Variants in COG3 observed in about 807,000 individuals in gnomAD.
COG3 encodes component of oligomeric golgi complex 3.
In COG3, 32 loss-of-function variants were observed where a neutral mutation model predicts 114.1. The observed-to-expected ratio is 0.28, with a 90% confidence interval of 0.21 to 0.38. The LOEUF (loss-of-function observed/expected upper bound fraction) is 0.38, where lower values mean the gene tolerates loss of function less well. Among genes scored for constraint, COG3 ranks in the 10% least tolerant of loss-of-function variants. The pLI is 1.00. For synonymous variants in COG3, 352 were observed against 365.7 expected, an observed-to-expected ratio of 0.96 and a Z score of 0.43; for missense variants, 813 against 973.2, an observed-to-expected ratio of 0.84 and a Z score of 2.19.
In COG3 at chr13:45,535,207, T is replaced by C. The variant is rs984264700; in HGVS notation, c.*476T>C. On this transcript the variant is annotated 3_prime_UTR_variant, in exon 23 of 23. Transcript: ENST00000349995. Reference sequence around the variant, plus strand: ...ATTTCTATGCTCTTATTTAATGTAATGTTTCTCCTGTCATTTTTGAAGTTG... The same window carrying C: ...ATTTCTATGCTCTTATTTAATGTAACGTTTCTCCTGTCATTTTTGAAGTTG... 1.0e-6 allele frequency: 1 copy of C among 986,012 alleles called. No homozygotes were observed. The highest frequency in any genetic ancestry group is 1.2e-6 in the Non-Finnish European group (1 of 830,302). The allele number at this position is 986,012 out of a possible 1,614,324, so 61.1% of individuals were successfully genotyped here. A position where few individuals can be genotyped will look rare whatever the true frequency, so the allele number is the denominator to read the frequency against.
chr13:45,505,150 G>A (rs1478742130), intron 14 of COG3, among the ~76,000 whole-genome samples: 1 of 150,786 alleles, frequency 6.6e-6, no homozygotes, highest in African/African-American at 2.4e-5. Context: ...TTGTGCCACT[G>A]TACTCCAGCC....
At chr13:45,517,898 G>A (rs1871711772) in intron 17 of COG3, among the ~76,000 whole-genome samples, 1 of 152,174 alleles carries the variant, frequency 6.6e-6, no homozygotes, top group Admixed American at 6.6e-5. Flanking sequence ...TTGGTTGAAA[G>A]TGTGTTTTCC....
intron 12 of COG3, among the ~76,000 whole-genome samples, chr13:45,495,918 C>T (rs1868712180): frequency 6.6e-6 from 1 of 151,926 alleles, no homozygotes; most frequent in Non-Finnish European, 1.5e-5. Flanking sequence ...TTTTATTATT[C>T]ATATTAATAA....
At chr13:45,513,624 T>C (rs1871212989) in intron 16 of COG3, among the ~76,000 whole-genome samples, 1 of 148,972 alleles carries the variant, frequency 6.7e-6, no homozygotes. Flanking sequence ...ATCTTGTTGC[T>C]AGGAAAGCTT....
chr13:45,465,322 C>T, intron 1 of COG3, 112 bp downstream of exon 1: 3 of 1,433,144 alleles, frequency 2.1e-6, no homozygotes, highest in South Asian at 1.5e-5. Flanking sequence ...CTCCACTCCT[C>T]CCTGGCCATG....
At chr13:45,470,709 G>A (rs1009943108) in intron 1 of COG3, among the ~76,000 whole-genome samples, 2 of 152,152 alleles carry the variant, frequency 1.3e-5, no homozygotes, top group African/African-American at 4.8e-5. Context: ...ACTTATAATC[G>A]TTTTTCTCAA....
At chr13:45,508,068 T>TAAAAAAAAAAAAAAAAAAAAAAAAA (rs10571583) in intron 14 of COG3, among the ~76,000 whole-genome samples, 1 of 32,258 alleles carries the variant, frequency 3.1e-5, no homozygotes, top group African/African-American at 1.3e-4. Context: ...AGGTCCAACC[T>TAAAAAAAAAAAAAAAAAAAAAAAAA]AAAAAAAAAA....
At chr13:45,522,651 G>C (rs1007546666) in intron 19 of COG3, among the ~76,000 whole-genome samples, 1 of 152,164 alleles carries the variant, frequency 6.6e-6, no homozygotes, top group African/African-American at 2.4e-5. Context: ...TACTAGAAGA[G>C]TGTATATGCT....
chr13:45,530,762 C>G lies in COG3; in HGVS notation c.2439C>G (p.Ala813=). The change falls in exon 22 of 23, where the codon GCC becomes GCG. Residue 813 remains alanine, a synonymous_variant. Transcript: ENST00000349995. ...GCCCTGAAGACATCCAGATCATTGC[C>G]TGTCCATCTATGGAACAGGTAATGG... ...EFSPEDIQII[A]CPSMEQLSLL... 1 of 1,612,816 alleles carries G rather than the reference C, an allele frequency of 6.2e-7. No individual in the cohort carries two copies. Among genetic ancestry groups the G allele is most frequent in the African/African-American group, 1.3e-5 (1 of 75,022 alleles).
In COG3 at chr13:45,525,024, C is replaced by G; in HGVS notation, c.2203C>G (p.Leu735Val). 1.9e-6 allele frequency: 3 copies of G among 1,613,838 alleles called. No individual in the cohort carries two copies. The highest frequency in any genetic ancestry group is 2.5e-6 in the Non-Finnish European group (3 of 1,179,818). Residue 735 changes from leucine to valine, a missense_variant, in exon 20 of 23, where the codon CTC (leucine) becomes GTC (valine). Physicochemically the swap from Leu to Val is conservative, Grantham distance 32. Transcript: ENST00000349995. ...MASQGGPKYTLSQQPWAQPAK... is the reference protein window; with the variant it reads ...MASQGGPKYTVSQQPWAQPAK... The stretch of plus-strand genomic sequence containing the variant: ...CAGTCAGGGAGGCCCCAAGTATACT[C>G]TCTCACAGCAGCCTTGGGCACAACC...
At chr13:45,515,076 A>C (rs1430549727) in intron 16 of COG3, among the ~76,000 whole-genome samples, 1 of 152,226 alleles carries the variant, frequency 6.6e-6, no homozygotes, top group East Asian at 1.9e-4. Context: ...ACATGATACT[A>C]TTTGCTGGAT....
chr13:45,509,318 G>C (rs1035629309), intron 14 of COG3, among the ~76,000 whole-genome samples: 2 of 152,200 alleles, frequency 1.3e-5, no homozygotes, highest in African/African-American at 4.8e-5. Flanking sequence ...GGTTACAGGC[G>C]TGAGCCACTG....
At chr13:45,505,768 T>C (rs529498744) in intron 14 of COG3, among the ~76,000 whole-genome samples, 4 of 152,296 alleles carry the variant, frequency 2.6e-5, no homozygotes, top group Admixed American at 2.6e-4. Flanking sequence ...CATTTTTTTC[T>C]TTTTTAATAG....
chr13:45,521,066 CT>C (rs1453315602), intron 19 of COG3, among the ~76,000 whole-genome samples: 1 of 152,164 alleles, frequency 6.6e-6, no homozygotes, highest in East Asian at 1.9e-4. Flanking sequence ...TGCCCATAGT[CT>C]TAGCTACTCT....
intron 16 of COG3, 70 bp from the exon 17 acceptor site, chr13:45,516,073 A>G (rs1426841425): frequency 3.9e-5 from 45 of 1,148,692 alleles, no homozygotes; most frequent in Non-Finnish European, 4.9e-5. Context: ...TTGATTAATA[A>G]TGTATGCTGT....
intron 15 of COG3, 139 bp downstream of exon 15, chr13:45,509,955 G>A: frequency 1.1e-6 from 1 of 873,464 alleles, no homozygotes; most frequent in Non-Finnish European, 1.7e-6. Context: ...TTGAGGTCAA[G>A]CTAATTTAGG....
chr13:45,510,760 C>G (rs141379969), intron 15 of COG3, among the ~76,000 whole-genome samples: 4 of 152,092 alleles, frequency 2.6e-5, no homozygotes, highest in Non-Finnish European at 5.9e-5. Context: ...TTAGTCTTAC[C>G]GATCAAAGGT....
chr13:45,484,449 C>T (rs1302771097), intron 7 of COG3, among the ~76,000 whole-genome samples: 1 of 151,820 alleles, frequency 6.6e-6, no homozygotes, highest in African/African-American at 2.4e-5. Context: ...CTGTTTACCA[C>T]CAAAATTTAA....
chr13:45,524,620 G>A lies in COG3; in HGVS notation c.2155-356G>A, dbSNP rs565970439. 7.9e-5 allele frequency among the ~76,000 whole-genome samples: 12 copies of A among 152,268 alleles called. No individual in the cohort carries two copies. In the South Asian group the frequency reaches 2.1e-3, roughly 26 times the overall value. On this transcript the variant is annotated intron_variant, in intron 19 of 22. Coordinates refer to ENST00000349995, the MANE Select transcript of COG3 (RefSeq NM_031431.4). ...CATACAAAAATAATTTAATATTGAC[G>A]TAACAGTCCCCTTAAGAGACACCTG...
Sources: allele counts gnomAD v4.1 joint callset (sites outside exome capture counted in the v4.1 genomes callset), GRCh38; gene constraint gnomAD v4.1.1; transcripts MANE v1.5; gene names NCBI Gene and HGNC (gene_info 2026-07-23, HGNC 2026-07-21).